The following MEN1 variants were observed in gnomAD, a reference collection of about 807,000 sequenced individuals.
MEN1 encodes the protein menin.
In MEN1, 6 loss-of-function variants were observed where a neutral mutation model predicts 58.0. The observed-to-expected ratio is 0.10, with a 90% CI of 0.06 to 0.20. The LOEUF (loss-of-function observed/expected upper bound fraction) is 0.20. Among genes scored for constraint, MEN1 ranks in the 10% least tolerant of loss-of-function variants. The pLI, the probability that MEN1 is intolerant of heterozygous loss-of-function variation, is 1.00. For missense variants in MEN1, 492 were observed against 818.5 expected (o/e 0.60, Z 4.87); for synonymous variants, 346 against 350.7 (o/e 0.99, Z 0.15).
Position 64,804,039 on chromosome 11 carries a change from G to C in MEN1, c.*295C>G. 2.1e-6 allele frequency: 1 copy of C among 482,046 alleles called. No homozygotes were observed. The highest frequency in any genetic ancestry group is 3.8e-6 in the Non-Finnish European group (1 of 263,198). 29.9% of individuals were successfully genotyped at this position (482,046 alleles called of 1,614,324 possible). ...GTGAGCGGTTCCGAGGAGGAGCTTGGGTTTCTAGGGGCTGGGCCTTTAAAG... is the reference window on the plus strand; with the variant it reads ...GTGAGCGGTTCCGAGGAGGAGCTTGCGTTTCTAGGGGCTGGGCCTTTAAAG... On this transcript the variant is annotated 3_prime_UTR_variant, in exon 10 of 10. Coordinates refer to ENST00000450708, the MANE Select transcript of MEN1 (RefSeq NM_001370259.2). This position sits in a 1 kb window ranked among gnomAD's most constrained non-coding sequence, Gnocchi z 4.2.
chr11:64,810,367 C>A, intron 1 of MEN1, 147 bp downstream of exon 1: 1 of 552,162 alleles, frequency 1.8e-6, no homozygotes. Flanking sequence ...GGGGTGCGCC[C>A]CAAGCACCCC....
In MEN1 at chr11:64,805,840, G is replaced by A. The variant is rs1338178627; in HGVS notation, c.1050-70C>T. On this transcript the variant is annotated intron_variant, in intron 7 of 9. Coordinates refer to ENST00000450708, the MANE Select transcript of MEN1 (RefSeq NM_001370259.2). ...CATCGGGGGTAGCCCCAGGGACCTG[G>A]CGGGGGATGGAGCCCCCAGGGGCTG... 67 of 1,566,132 alleles carry A rather than the reference G, an allele frequency of 4.3e-5. No homozygotes were observed. In the East Asian group the frequency reaches 1.4e-3, roughly 33 times the overall value.
rs2136157594 is a variant in MEN1, at chr11:64,808,062, C to T, written c.483G>A (p.Val161=). The T allele has an allele frequency of 6.2e-7, 1 of 1,613,918 alleles. No homozygotes were observed. The highest frequency in any genetic ancestry group is 8.5e-7 in the Non-Finnish European group (1 of 1,179,928). Residue 161 remains valine, a synonymous_variant, in exon 3 of 10, where the codon GTG becomes GTA. Transcript: ENST00000450708. ...KLDSSGVAFA[V]VGACQALGLR... ...GACCCAGGGCCTGGCAGGCCCCAAC[C>T]ACAGCAAAGGCCACACCGGAGCTGT...
In MEN1 at chr11:64,810,056, G is replaced by A. The variant is rs1316973259; in HGVS notation, c.54C>T (p.Asp18=). ...GCTCGGCAGCAAACAGGCGCACCACGTCGTCGATGGAGCGCAGCGGGAACA... is the reference window on the plus strand; with the variant it reads ...GCTCGGCAGCAAACAGGCGCACCACATCGTCGATGGAGCGCAGCGGGAACA... The part of the protein sequence containing the change: ...KTLFPLRSID[D]VVRLFAAELG... Residue 18 remains aspartate, a synonymous_variant, in exon 2 of 10, where the codon GAC becomes GAT. Transcript: ENST00000450708. The A allele has an allele frequency of 1.2e-6, 2 of 1,609,454 alleles. No homozygotes were observed. Among genetic ancestry groups the A allele is most frequent in the South Asian group, 2.2e-5 (2 of 90,296 alleles).
chr11:64,805,343 T>G, intron 8 of MEN1, 145 bp from the exon 9 acceptor site: 1 of 1,004,598 alleles, frequency 1.0e-6, no homozygotes, highest in East Asian at 2.6e-5. Flanking sequence ...ACCTCTTTCC[T>G]TTTATAAAGC....
intron 6 of MEN1, 91 bp downstream of exon 6, chr11:64,806,920 C>A: frequency 8.5e-7 from 1 of 1,175,560 alleles, no homozygotes; most frequent in South Asian, 1.3e-5. Flanking sequence ...CCCCCCAACA[C>A]ACAAAGTTCT....
In MEN1 at chr11:64,807,801, A is replaced by C; in HGVS notation, c.654+90T>G. ...TTCCTATGTGGGTGGTGATGGGAAG[A>C]AAGGGGTGTGGCCCAAGAAAATGGA... On this transcript the variant is annotated intron_variant, in intron 3 of 9. Transcript: ENST00000450708. The surrounding 1 kb of genome is among the most constrained non-coding windows in gnomAD (Gnocchi z 4.9). The C allele has an allele frequency of 6.2e-7, 1 of 1,606,722 alleles. No homozygotes were observed. The highest frequency in any genetic ancestry group is 2.2e-5 in the East Asian group (1 of 44,826).
At chr11:64,808,123 A>G (rs2136160738) in intron 2 of MEN1, 24 bp from the exon 3 acceptor site, 1 of 1,584,746 alleles carries the variant, frequency 6.3e-7, no homozygotes, top group Non-Finnish European at 8.6e-7. Flanking sequence ...AGGTAATGAA[A>G]GAGGGTCCTC....
rs1804850 is a variant in MEN1, at chr11:64,803,681, G to A, written c.*653C>T. 5.2e-4 allele frequency: 124 copies of A among 236,330 alleles called. 1 individual carries two copies. The East Asian group carries it at 7.0e-3, about 13-fold the overall frequency. The allele number at this position is 236,330 out of a possible 1,614,324, so 14.6% of individuals were successfully genotyped here. On this transcript the variant is annotated 3_prime_UTR_variant, in exon 10 of 10. Transcript: ENST00000450708. ...CTGGGAGGTTCCCAGAGGGTCGGAA[G>A]GGAGGTCCTGCTCTGATCCGGGGCC...
chr11:64,806,506 A>T, intron 6 of MEN1, 138 bp from the exon 7 acceptor site: 1 of 1,006,704 alleles, frequency 9.9e-7, no homozygotes, highest in South Asian at 1.3e-5. Flanking sequence ...TCCCACCTCC[A>T]CTCGCTGCCA....
intron 7 of MEN1, 91 bp from the exon 8 acceptor site, chr11:64,805,861 G>A: frequency 1.5e-6 from 2 of 1,322,696 alleles, no homozygotes; most frequent in South Asian, 1.2e-5. Flanking sequence ...AGCCCCCAGG[G>A]GCTGGGGGAG....
At chr11:64,809,359 C>T (rs34047150) in intron 2 of MEN1, among the ~76,000 whole-genome samples, 1,920 of 152,122 alleles carry the variant, frequency 0.013, 14 homozygotes, top group Middle Eastern at 0.052. Context: ...AATCTGCTGC[C>T]GCCCTCTGTG....
In MEN1 at chr11:64,803,652, A is replaced by AGCCCTCTGGGAGCT. The variant is rs1356356073; in HGVS notation, c.*681_*682insAGCTCCCAGAGGGC. 4.3e-6 allele frequency: 1 copy of AGCCCTCTGGGAGCT among 234,578 alleles called. No homozygotes were observed. The highest frequency in any genetic ancestry group is 5.6e-5 in the Admixed American group (1 of 17,938). The allele number at this position is 234,578 out of a possible 1,614,324, so 14.5% of individuals were successfully genotyped here. On this transcript the variant is annotated 3_prime_UTR_variant, in exon 10 of 10. Coordinates refer to ENST00000450708, the MANE Select transcript of MEN1 (RefSeq NM_001370259.2). ...TCCGGGATGCTCCGAGATGGGCTGG[A>AGCCCTCTGGGAGCT]CCTCTGGGAGGTTCCCAGAGGGTCG...
In MEN1 at chr11:64,810,151, GAGGGA is replaced by G; in HGVS notation, c.-23-24_-23-20del. On this transcript the variant is annotated intron_variant, in intron 1 of 9. Coordinates refer to ENST00000450708, the MANE Select transcript of MEN1 (RefSeq NM_001370259.2). ...CGGCGGCCTGCAAGGCAAGCCGGGG[GAGGGA>G]GGGTCGGGCAGGTTCGGCCGGGGAG... The G allele has an allele frequency of 1.7e-5, 18 of 1,063,800 alleles. No individual in the cohort carries two copies. The highest frequency in any genetic ancestry group is 3.1e-4 in the Middle Eastern group (1 of 3,240). 65.9% of individuals were successfully genotyped at this position (1,063,800 alleles called of 1,614,324 possible). A position where few individuals can be genotyped will look rare whatever the true frequency, so the allele number is the denominator to read the frequency against.
chr11:64,807,439 AT>A lies in MEN1; in HGVS notation c.783+112del. The A allele has an allele frequency of 8.0e-7, 1 of 1,243,694 alleles. No individual in the cohort carries two copies. The highest frequency in any genetic ancestry group is 1.3e-5 in the South Asian group (1 of 79,310). The allele number at this position is 1,243,694 out of a possible 1,614,324, so 77.0% of individuals were successfully genotyped here. ...AGGCCAGGCCAGGAATTACTAACCC[AT>A]TTTTCCAGGAGGGGAAGCTGAAGCT... On this transcript the variant is annotated intron_variant, in intron 4 of 9. Transcript: ENST00000450708. The surrounding 1 kb of genome is among the most constrained non-coding windows in gnomAD (Gnocchi z 4.9).
rs1036901713 is a variant in MEN1 at position 64,810,149 on chromosome 11, G to A, written c.-23-17C>T. ...GGCGGCGGCCTGCAAGGCAAGCCGG[G>A]GGAGGGAGGGTCGGGCAGGTTCGGC... On this transcript the variant is annotated splice_polypyrimidine_tract_variant and intron_variant, in intron 1 of 9. Coordinates refer to ENST00000450708, the MANE Select transcript of MEN1 (RefSeq NM_001370259.2). The A allele has an allele frequency of 7.4e-7, 1 of 1,347,058 alleles. No individual in the cohort carries two copies. Among genetic ancestry groups the A allele is most frequent in the Non-Finnish European group, 1.0e-6 (1 of 986,590 alleles). The allele number at this position is 1,347,058 out of a possible 1,614,324, so 83.4% of individuals were successfully genotyped here.
chr11:64,805,589 T>C (rs1350984870), intron 8 of MEN1, 46 bp downstream of exon 8: 1 of 1,609,798 alleles, frequency 6.2e-7, no homozygotes, highest in Admixed American at 1.7e-5. Flanking sequence ...AAGGGAGCCC[T>C]GTCCAGGTGG....
rs878855189 is a variant in MEN1 at position 64,804,803 on chromosome 11, A to C, written c.1364T>G (p.Val455Gly). 6.3e-7 allele frequency: 1 copy of C among 1,596,960 alleles called. No homozygotes were observed. The highest frequency in any genetic ancestry group is 1.1e-5 in the South Asian group (1 of 90,996). Reference sequence around the variant, plus strand: ...CTCGGCCTCTCGGCTCACTATGCGCACCTTCTGCCGCACCTGGGCCAGTGG... The same window carrying C: ...CTCGGCCTCTCGGCTCACTATGCGCCCCTTCTGCCGCACCTGGGCCAGTGG... ...GRFEGQVRQK[V>G]RIVSREAEAA... is the part of the protein sequence containing the mutation. The change falls in exon 10 of 10, where the codon GTG becomes GGG. Residue 455 changes from valine (V) to glycine (G), a missense_variant. Coordinates refer to ENST00000450708, the MANE Select transcript of MEN1 (RefSeq NM_001370259.2). This position sits in a 1 kb window ranked among gnomAD's most constrained non-coding sequence, Gnocchi z 4.2.
chr11:64,807,250 C>T lies in MEN1; in HGVS notation c.784-31G>A, dbSNP rs551386763. The T allele has an allele frequency of 1.1e-5, 17 of 1,608,334 alleles. No individual in the cohort carries two copies. Among genetic ancestry groups the T allele is most frequent in the Non-Finnish European group, 1.4e-5 (16 of 1,178,568 alleles). ...AGCCGAAGGAGAGAGTTATGAGCCA[C>T]GGAACAGGGAGGAGAACGGGTCCTT... On this transcript the variant is annotated intron_variant, in intron 4 of 9. Transcript: ENST00000450708. The surrounding 1 kb of genome is among the most constrained non-coding windows in gnomAD (Gnocchi z 4.9).
Sources: gnomAD v4.1 joint callset for allele counts (sites outside exome capture counted in the v4.1 genomes callset) on GRCh38, gnomAD v4.1.1 for gene constraint, Gnocchi (gnomAD v3.1) non-coding constraint, MANE v1.5 for transcripts, NCBI Gene and HGNC (gene_info 2026-07-23, HGNC 2026-07-21) for gene names.